CEP112: variants seen among roughly 807,000 people sequenced by gnomAD.
CEP112 encodes the protein centrosomal protein 112.
Under a neutral mutation model 153.0 loss-of-function variants are expected in CEP112, and 127 were observed. The ratio of observed to expected loss-of-function variants is 0.83; its 90% CI spans 0.72 to 0.96. The LOEUF (loss-of-function observed/expected upper bound fraction) is 0.96, where lower values mean the gene tolerates loss of function less well. Ranked by LOEUF, CEP112 falls within the 40% of genes least tolerant of loss-of-function variation. The pLI is 0.00. For synonymous variants in CEP112, 358 were observed against 374.4 expected, an observed-to-expected ratio of 0.96 and a Z score of 0.51; for missense variants, 1,089 against 1,101.2, an observed-to-expected ratio of 0.99 and a Z score of 0.16.
chr17:65,974,067 C>T (rs1020800146), intron 17 of CEP112, among the ~76,000 whole-genome samples: 9 of 151,662 alleles, frequency 5.9e-5, no homozygotes, highest in African/African-American at 9.7e-5. Context: ...TAAAAGGCTT[C>T]GCTGTTTTCT....
intron 23 of CEP112, among the ~76,000 whole-genome samples, chr17:65,706,967 A>T (rs983467373): frequency 2.0e-5 from 3 of 152,188 alleles, no homozygotes; most frequent in Non-Finnish European, 2.9e-5. Flanking sequence ...GATCTCTTTG[A>T]CAACTTGCTT....
chr17:65,817,634 T>C (rs988748229), intron 21 of CEP112, among the ~76,000 whole-genome samples: 1 of 151,984 alleles, frequency 6.6e-6, no homozygotes, highest in African/African-American at 2.4e-5. Flanking sequence ...CTCTATTCAT[T>C]AGATCTCACA....
intron 18 of CEP112, among the ~76,000 whole-genome samples, chr17:65,954,428 T>G (rs910757383): frequency 6.6e-6 from 1 of 151,926 alleles, no homozygotes; most frequent in African/African-American, 2.4e-5. Context: ...GAAAAAAAAT[T>G]CTGGTAATAT....
intron 8 of CEP112, among the ~76,000 whole-genome samples, chr17:66,085,940 C>G (rs889970107): frequency 2.3e-5 from 3 of 132,748 alleles, no homozygotes; most frequent in African/African-American, 8.5e-5. Flanking sequence ...CTACGCCACT[C>G]TACTCCAGCC....
At chr17:65,984,683 C>T (rs1163596864) in intron 17 of CEP112, among the ~76,000 whole-genome samples, 1 of 152,072 alleles carries the variant, frequency 6.6e-6, no homozygotes, top group Admixed American at 6.5e-5. Flanking sequence ...TTGGAACATA[C>T]ATAAAAATAT....
intron 23 of CEP112, among the ~76,000 whole-genome samples, chr17:65,721,159 C>T (rs563251364): frequency 1.3e-5 from 2 of 152,048 alleles, no homozygotes; most frequent in Admixed American, 6.5e-5. Flanking sequence ...TACAGGTGCT[C>T]GCTACCATGC....
chr17:65,880,507 G>C (rs746408383), intron 20 of CEP112, among the ~76,000 whole-genome samples: 1 of 152,186 alleles, frequency 6.6e-6, no homozygotes, highest in Non-Finnish European at 1.5e-5. Context: ...TAATTCAACT[G>C]ACTGTGCAAG....
At chr17:66,164,094 T>C (rs1250215236) in intron 4 of CEP112, among the ~76,000 whole-genome samples, 1 of 152,230 alleles carries the variant, frequency 6.6e-6, no homozygotes, top group Non-Finnish European at 1.5e-5. Flanking sequence ...ATTAGCACAT[T>C]AATGTTGAAA....
In CEP112 at chr17:65,821,027, T is replaced by TA. The variant is rs1195130507; in HGVS notation, c.2394+30776dup. On this transcript the variant is annotated intron_variant, in intron 21 of 26. Coordinates refer to ENST00000535342, the MANE Select transcript of CEP112 (RefSeq NM_001199165.4). The stretch of plus-strand genomic sequence containing the variant: ...CCAAGAAAATACCATAGATGAATAT[T>TA]AAAAACAGTTATGTAAGCCAAAACT... Among the ~76,000 whole-genome samples, 3 of 151,826 alleles carry TA rather than the reference T, an allele frequency of 2.0e-5. No individual in the cohort carries two copies. The East Asian group carries it at 5.8e-4, about 29-fold the overall frequency.
Position 65,679,218 on chromosome 17 carries a change from G to A in CEP112, c.2697+9911C>T, listed in dbSNP as rs192883419. Among the ~76,000 whole-genome samples the A allele has an allele frequency of 6.9e-3, 841 of 122,206 alleles. 4 individuals carry two copies. The highest frequency in any genetic ancestry group is 0.012 in the Admixed American group (116 of 9,292). 80.2% of individuals were successfully genotyped at this position (122,206 alleles called of 152,430 possible). A position where few individuals can be genotyped will look rare whatever the true frequency, so the allele number is the denominator to read the frequency against. ...CAAACTGTCACGGAGAATAACATGTGGCCAAAATTACATGTGGTTCTATCT... is the reference window on the plus strand; with the variant it reads ...CAAACTGTCACGGAGAATAACATGTAGCCAAAATTACATGTGGTTCTATCT... On this transcript the variant is annotated intron_variant, in intron 24 of 26. Coordinates refer to ENST00000535342, the MANE Select transcript of CEP112 (RefSeq NM_001199165.4).
chr17:65,971,657 C>T (rs1474657651), intron 17 of CEP112, among the ~76,000 whole-genome samples: 1 of 122,236 alleles, frequency 8.2e-6, no homozygotes, highest in African/African-American at 2.6e-5. Flanking sequence ...ATGCATGTCA[C>T]ATGCATGTAT....
chr17:65,857,172 C>A (rs1294656231), intron 20 of CEP112, among the ~76,000 whole-genome samples: 1 of 152,046 alleles, frequency 6.6e-6, no homozygotes, highest in African/African-American at 2.4e-5. Context: ...CCAGTAAAGC[C>A]CCTTCCTCAT....
chr17:66,038,985 A>G (rs979356532), intron 12 of CEP112, among the ~76,000 whole-genome samples: 2 of 152,158 alleles, frequency 1.3e-5, no homozygotes, highest in Non-Finnish European at 2.9e-5. Flanking sequence ...ACAGAAGGGA[A>G]GAGAGCAGAT....
intron 12 of CEP112, among the ~76,000 whole-genome samples, chr17:66,046,215 T>A (rs534681524): frequency 1.3e-5 from 2 of 152,220 alleles, no homozygotes; most frequent in South Asian, 2.1e-4. Flanking sequence ...GCTAATTTTC[T>A]GTATTTTTAG....
At chr17:65,688,404 T>C (rs2144361788) in intron 24 of CEP112, 1 of 152,378 alleles carries the variant, frequency 6.6e-6, no homozygotes, top group Middle Eastern at 3.4e-3. Context: ...TAGTTTTGTA[T>C]ACTCAGTTCT....
intron 8 of CEP112, among the ~76,000 whole-genome samples, chr17:66,077,143 T>C (rs2067533138): frequency 6.6e-6 from 1 of 152,096 alleles, no homozygotes; most frequent in Non-Finnish European, 1.5e-5. Flanking sequence ...AACAAGGCTC[T>C]TTAACACCCA....
chr17:66,115,073 C>T (rs768514569), intron 6 of CEP112, among the ~76,000 whole-genome samples: 10 of 151,966 alleles, frequency 6.6e-5, no homozygotes, highest in Non-Finnish European at 1.3e-4. Context: ...GGCATGGTGG[C>T]GGACACCTGT....
At chr17:65,792,937 C>T (rs1248585626) in intron 21 of CEP112, among the ~76,000 whole-genome samples, 1 of 152,004 alleles carries the variant, frequency 6.6e-6, no homozygotes, top group Non-Finnish European at 1.5e-5. Flanking sequence ...TTTTAGTAAT[C>T]AAGAAAATAC....
intron 21 of CEP112, among the ~76,000 whole-genome samples, chr17:65,833,981 T>C (rs1226947752): frequency 6.6e-6 from 1 of 152,176 alleles, no homozygotes; most frequent in Non-Finnish European, 1.5e-5. Context: ...CAAAACAGCC[T>C]GGTACTGGTA....
Sources: allele counts gnomAD v4.1 joint callset (sites outside exome capture counted in the v4.1 genomes callset), GRCh38; gene constraint gnomAD v4.1.1; transcripts MANE v1.5; gene names NCBI Gene and HGNC (gene_info 2026-07-23, HGNC 2026-07-21).